The following CD200R1L variants were observed in gnomAD, a reference collection of about 807,000 sequenced individuals.
CD200R1L encodes CD200 receptor 1 like.
A neutral mutation model predicts 24.8 loss-of-function variants in CD200R1L; 14 were observed. The ratio of observed to expected loss-of-function variants is 0.56; its 90% CI spans 0.37 to 0.88. The LOEUF is 0.88. CD200R1L is among the 40% of genes least tolerant of loss of function. The pLI, the probability that CD200R1L is intolerant of heterozygous loss-of-function variation, is 0.00. For synonymous variants in CD200R1L, 111 were observed against 109.2 expected, an observed-to-expected ratio of 1.02 and a Z score of -0.11; for missense variants, 299 against 297.8, an observed-to-expected ratio of 1.00 and a Z score of -0.03.
chr3:112,830,799 A>C (rs16860141), intron 3 of CD200R1L, among the ~76,000 whole-genome samples: 42,625 of 151,784 alleles, frequency 0.28, 7,203 homozygotes, highest in African/African-American at 0.46. Context: ...CCCTGGATGT[A>C]AAAAAGTGGT....
chr3:112,824,702 A>C (rs1347901714), intron 6 of CD200R1L, among the ~76,000 whole-genome samples: 1 of 152,258 alleles, frequency 6.6e-6, no homozygotes, highest in East Asian at 1.9e-4. Context: ...GCATTGTGTC[A>C]GAAGCATTGT....
Position 112,819,878 on chromosome 3 carries a change from A to T in CD200R1L, c.634T>A (p.Ser212Thr), listed in dbSNP as rs372575205. 3 of 1,602,648 alleles carry T rather than the reference A, an allele frequency of 1.9e-6. No homozygotes were observed. In the East Asian group the frequency reaches 6.7e-5, roughly 36 times the overall value. Residue 212 changes from serine (S) to threonine (T), a missense_variant, in exon 7 of 8, where the codon TCT becomes ACT. Transcript: ENST00000488794. ...KLNSGLRTSG[S>T]PALSLLIILY... is the part of the protein sequence containing the mutation. ...ATGATCAGTAAGGACAACGCTGGAG[A>T]TCCTGAGGTTCTGAGACCTTTAAAT...
At chr3:112,819,693 T>C in intron 7 of CD200R1L, 79 bp downstream of exon 7, 7 of 1,435,902 alleles carry the variant, frequency 4.9e-6, no homozygotes, top group East Asian at 2.5e-5. Context: ...CTTTTCCCAG[T>C]ACATTGTAAA....
At chr3:112,839,412 A>G (rs2107351470) in intron 2 of CD200R1L, among the ~76,000 whole-genome samples, 1 of 152,368 alleles carries the variant, frequency 6.6e-6, no homozygotes, top group South Asian at 2.1e-4. Context: ...ATACTTTAGA[A>G]CATTTACATA....
chr3:112,825,266 A>G (rs1423852987), intron 6 of CD200R1L, among the ~76,000 whole-genome samples: 3 of 151,430 alleles, frequency 2.0e-5, no homozygotes, highest in Admixed American at 6.6e-5. Flanking sequence ...AAAAAAAAAA[A>G]AAGAAATTGC....
chr3:112,820,128 C>G (rs1184376080), intron 6 of CD200R1L, among the ~76,000 whole-genome samples: 3 of 152,148 alleles, frequency 2.0e-5, no homozygotes, highest in Non-Finnish European at 4.4e-5. Flanking sequence ...ATTTTCTGAA[C>G]AAATAAATGC....
intron 6 of CD200R1L, 114 bp from the exon 7 acceptor site, chr3:112,820,009 T>C: frequency 1.0e-6 from 1 of 958,214 alleles, no homozygotes; most frequent in Non-Finnish European, 1.5e-6. Flanking sequence ...TGGACTGTCA[T>C]AATCATAAAA....
In CD200R1L at chr3:112,819,811, G is replaced by A. The variant is rs1451722608; in HGVS notation, c.701C>T (p.Thr234Ile). ...KLSLFVVILV[T>I]TGFVFFQRIN... ...CCTCTGGAAGAAAACAAATCCTGTG[G>A]TGACCAGAATGACCACAAAAAGAGA... is the stretch of plus-strand genomic sequence containing the variant. The change falls in exon 7 of 8, where the codon ACC (threonine) becomes ATC (isoleucine). Residue 234 changes from threonine (T) to isoleucine (I), a missense_variant. Thr to Ile is a moderately conservative substitution (Grantham distance 89). Transcript: ENST00000488794. The A allele has an allele frequency of 6.2e-7, 1 of 1,611,458 alleles. No homozygotes were observed. Among genetic ancestry groups the A allele is most frequent in the Non-Finnish European group, 8.5e-7 (1 of 1,179,072 alleles).
In CD200R1L at chr3:112,835,885, G is replaced by A. The variant is rs550032858; in HGVS notation, c.-18+2057C>T. Among the ~76,000 whole-genome samples the A allele has an allele frequency of 7.2e-5, 11 of 152,312 alleles. No individual in the cohort carries two copies. The East Asian group carries it at 7.7e-4, about 11-fold the overall frequency. On this transcript the variant is annotated intron_variant, in intron 3 of 7. Transcript: ENST00000488794. ...GCTCCTTCCCTGCCAACTTAGAAGC[G>A]GCAGGCCTCCCACTTGTTCCCAGCT...
At position 112,827,435 on chromosome 3, in the gene CD200R1L, C is replaced by T. The variant is rs755415862; in HGVS notation, c.299G>A (p.Gly100Glu). ...TGTTACCACTATGCCTCTGTAATACCCGTCATGAGTGGTGTCCACCGGACG... is the reference window on the plus strand; with the variant it reads ...TGTTACCACTATGCCTCTGTAATACTCGTCATGAGTGGTGTCCACCGGACG... ...QIRPVDTTHD[G>E]YYRGIVVTPD... Residue 100 changes from glycine to glutamate, a missense_variant, in exon 5 of 8, where the codon GGG becomes GAG. Physicochemically the swap from Gly to Glu is moderately conservative, Grantham distance 98. Coordinates refer to ENST00000488794, the MANE Select transcript of CD200R1L (RefSeq NM_001199215.3). 13 of 1,613,982 alleles carry T rather than the reference C, an allele frequency of 8.1e-6. No homozygotes were observed. Among genetic ancestry groups the T allele is most frequent in the Middle Eastern group, 1.6e-4 (1 of 6,084 alleles).
rs1325341649 is a variant in CD200R1L at position 112,827,604 on chromosome 3, T to C, written c.130A>G (p.Ile44Val). The change falls in exon 5 of 8, where the codon ATA becomes GTA. Residue 44 changes from isoleucine to valine, a missense_variant. Ile to Val is a conservative substitution (Grantham distance 29). Transcript: ENST00000488794. ...CCTCTCAGGATTATTTCCCATGTTA[T>C]TATGATCAAATTTCTTAATGCGATA... The part of the protein sequence containing the change: ...PPIALRNLII[I>V]TWEIILRGQP... The C allele has an allele frequency of 6.2e-7, 1 of 1,613,902 alleles. No individual in the cohort carries two copies. Among genetic ancestry groups the C allele is most frequent in the African/African-American group, 1.3e-5 (1 of 74,916 alleles).
intron 3 of CD200R1L, 66 bp from the exon 4 acceptor site, chr3:112,829,450 TC>T: frequency 1.4e-6 from 2 of 1,454,826 alleles, no homozygotes; most frequent in Non-Finnish European, 1.9e-6. Context: ...AACAAGTGTT[TC>T]CCCACAGTCT....
Position 112,826,916 on chromosome 3 carries a change from G to C in CD200R1L, c.616+77C>G, listed in dbSNP as rs954405754. On this transcript the variant is annotated intron_variant, in intron 6 of 7. Transcript: ENST00000488794. ...AGGAGCTCAAATTTTCTTACCTGCT[G>C]TTTGGTTATTCGTTATTTTCTATGG... 3 of 1,492,074 alleles carry C rather than the reference G, an allele frequency of 2.0e-6. No individual in the cohort carries two copies. The African/African-American group carries it at 4.2e-5, about 21-fold the overall frequency. The allele number at this position is 1,492,074 out of a possible 1,614,324, so 92.4% of individuals were successfully genotyped here. A position where few individuals can be genotyped will look rare whatever the true frequency, so the allele number is the denominator to read the frequency against.
intron 2 of CD200R1L, 56 bp from the exon 3 acceptor site, chr3:112,838,066 A>G: frequency 1.6e-6 from 1 of 622,406 alleles, no homozygotes; most frequent in Non-Finnish European, 2.4e-6. Flanking sequence ...TCTTTACTGA[A>G]ATGGACTAGA....
At chr3:112,825,385 A>G (rs1434572917) in intron 6 of CD200R1L, among the ~76,000 whole-genome samples, 1 of 149,532 alleles carries the variant, frequency 6.7e-6, no homozygotes, top group African/African-American at 2.4e-5. Context: ...AAAGCTAATA[A>G]AATATTTAAA....
At chr3:112,842,129 G>C (rs545421347) in intron 2 of CD200R1L, among the ~76,000 whole-genome samples, 3 of 152,280 alleles carry the variant, frequency 2.0e-5, no homozygotes, top group Non-Finnish European at 4.4e-5. Context: ...GCCTGCTCCT[G>C]GGACCAACAT....
intron 3 of CD200R1L, among the ~76,000 whole-genome samples, chr3:112,832,495 GT>G (rs1559924097): frequency 6.6e-6 from 1 of 152,112 alleles, no homozygotes; most frequent in Admixed American, 6.5e-5. Context: ...GGCGAAGATA[GT>G]AAATAAATAT....
At position 112,845,226 on chromosome 3, in the gene CD200R1L, A is replaced by G. The variant is rs149881193; in HGVS notation, c.-87+453T>C. On this transcript the variant is annotated intron_variant, in intron 2 of 7. Transcript: ENST00000488794. ...TGACATTACAATTGATCTCACAGAA[A>G]TACAAAATGTCCTCGGAGACTATTA... is the stretch of plus-strand genomic sequence containing the variant. Among the ~76,000 whole-genome samples the G allele has an allele frequency of 2.0e-4, 30 of 152,310 alleles. No homozygotes were observed. In the East Asian group the frequency reaches 5.8e-3, roughly 29 times the overall value.
At chr3:112,824,335 C>T (rs1374860862) in intron 6 of CD200R1L, among the ~76,000 whole-genome samples, 2 of 152,148 alleles carry the variant, frequency 1.3e-5, no homozygotes, top group Non-Finnish European at 1.5e-5. Context: ...ATATAGGGCT[C>T]ATGAAGGAGT....
Sources: gnomAD v4.1 joint callset for allele counts (sites outside exome capture counted in the v4.1 genomes callset) on GRCh38, gnomAD v4.1.1 for gene constraint, MANE v1.5 for transcripts, NCBI Gene and HGNC (gene_info 2026-07-23, HGNC 2026-07-21) for gene names.